Variants in ITFG1 observed in about 807,000 individuals in gnomAD.
The protein encoded by ITFG1 is integrin alpha FG-GAP repeat containing 1, also known as T-cell immunomodulatory protein.
ITFG1 carries 34 observed loss-of-function variants against 81.8 expected under a neutral mutation model. The ratio of observed to expected loss-of-function variants is 0.42; its 90% CI spans 0.32 to 0.55. The LOEUF (loss-of-function observed/expected upper bound fraction) is 0.55, where lower values mean the gene tolerates loss of function less well. Among genes scored for constraint, ITFG1 ranks in the 20% least tolerant of loss-of-function variants. The pLI is 0.17. For missense variants in ITFG1, 672 were observed against 755.4 expected (o/e 0.89, Z 1.29); for synonymous variants, 285 against 270.6 (o/e 1.05, Z -0.52).
Position 47,371,945 on chromosome 16 carries a change from G to A in ITFG1, c.720+3931C>T, listed in dbSNP as rs142445955. Reference sequence around the variant, plus strand: ...TTTTTTTTTCCTGAGACAGAGTCTCGCTCTTTCACCCAGGCTGGAGTACAG... The same window carrying A: ...TTTTTTTTTCCTGAGACAGAGTCTCACTCTTTCACCCAGGCTGGAGTACAG... On this transcript the variant is annotated intron_variant, in intron 7 of 17. Transcript: ENST00000320640. 6.9e-3 allele frequency among the ~76,000 whole-genome samples: 1,010 copies of A among 147,356 alleles called. 13 individuals carry two copies. Among genetic ancestry groups the A allele is most frequent in the African/African-American group, 0.024 (940 of 39,772 alleles).
At chr16:47,160,694 T>C (rs185348257) in intron 16 of ITFG1, among the ~76,000 whole-genome samples, 10 of 152,270 alleles carry the variant, frequency 6.6e-5, no homozygotes, top group African/African-American at 2.2e-4. Flanking sequence ...CTGAAGCCCA[T>C]TAATTTACCA....
chr16:47,286,366 G>A lies in ITFG1; in HGVS notation c.1070+24874C>T, dbSNP rs561975071. 5.3e-5 allele frequency among the ~76,000 whole-genome samples: 8 copies of A among 152,066 alleles called. No individual in the cohort carries two copies. In the South Asian group the frequency reaches 1.2e-3, roughly 24 times the overall value. On this transcript the variant is annotated intron_variant, in intron 10 of 17. Coordinates refer to ENST00000320640, the MANE Select transcript of ITFG1 (RefSeq NM_030790.5). ...TAAAGATAATTGCCAGAGGCTGGGCGCGGTGGCTCACACCTGTAATCCCAA... is the reference window on the plus strand; with the variant it reads ...TAAAGATAATTGCCAGAGGCTGGGCACGGTGGCTCACACCTGTAATCCCAA...
intron 14 of ITFG1, among the ~76,000 whole-genome samples, chr16:47,165,340 G>A (rs1339277170): frequency 6.6e-6 from 1 of 152,202 alleles, no homozygotes; most frequent in African/African-American, 2.4e-5. Flanking sequence ...GTTGGAAACA[G>A]TAAGGTATAA....
intron 8 of ITFG1, among the ~76,000 whole-genome samples, chr16:47,316,758 T>C (rs1193136522): frequency 2.0e-5 from 3 of 152,344 alleles, no homozygotes; most frequent in African/African-American, 4.8e-5. Context: ...TATATTATTA[T>C]GCCTGGGGAA....
At chr16:47,343,724 G>A (rs1967814885) in intron 8 of ITFG1, among the ~76,000 whole-genome samples, 1 of 152,102 alleles carries the variant, frequency 6.6e-6, no homozygotes, top group Non-Finnish European at 1.5e-5. Context: ...ATGATGTGGA[G>A]AAACTGGAAC....
chr16:47,271,985 A>T (rs1418912908), intron 10 of ITFG1, among the ~76,000 whole-genome samples: 1 of 152,260 alleles, frequency 6.6e-6, no homozygotes, highest in African/African-American at 2.4e-5. Flanking sequence ...AGCAGTATTC[A>T]TAATAGCCAA....
Position 47,403,359 on chromosome 16 carries a change from A to G in ITFG1, c.655+25445T>C, listed in dbSNP as rs117338835. Among the ~76,000 whole-genome samples, 412 of 152,104 alleles carry G rather than the reference A, an allele frequency of 2.7e-3. 3 individuals are homozygous for G. The East Asian group carries it at 0.029, about 11-fold the overall frequency. On this transcript the variant is annotated intron_variant, in intron 6 of 17. Coordinates refer to ENST00000320640, the MANE Select transcript of ITFG1 (RefSeq NM_030790.5). Reference sequence around the variant, plus strand: ...TATTATAATTGGCCCATATGGGCCAATTCTATAATACAAGTGTCCTGGACT... The same window carrying G: ...TATTATAATTGGCCCATATGGGCCAGTTCTATAATACAAGTGTCCTGGACT...
chr16:47,212,839 A>G (rs1300500191), intron 14 of ITFG1, among the ~76,000 whole-genome samples: 1 of 152,012 alleles, frequency 6.6e-6, no homozygotes, highest in Non-Finnish European at 1.5e-5. Flanking sequence ...CAGTCCTGGT[A>G]CAGATTTGTC....
At chr16:47,298,376 C>G (rs1242577744) in intron 10 of ITFG1, among the ~76,000 whole-genome samples, 2 of 151,984 alleles carry the variant, frequency 1.3e-5, no homozygotes, top group African/African-American at 4.8e-5. Flanking sequence ...ATGCCATAAC[C>G]CTTTGCTATT....
At chr16:47,261,068 G>C (rs1966204645) in intron 10 of ITFG1, among the ~76,000 whole-genome samples, 1 of 152,256 alleles carries the variant, frequency 6.6e-6, no homozygotes, top group Non-Finnish European at 1.5e-5. Flanking sequence ...TAACTAGAAT[G>C]TCTCATAAAC....
intron 8 of ITFG1, among the ~76,000 whole-genome samples, chr16:47,322,082 T>C (rs1177309069): frequency 1.3e-5 from 2 of 152,182 alleles, no homozygotes; most frequent in Non-Finnish European, 2.9e-5. Flanking sequence ...ATTTTAAAGT[T>C]CTGCACATAT....
rs564608328 is a variant in ITFG1 at position 47,377,989 on chromosome 16, C to T, written c.656-2049G>A. 3.3e-5 allele frequency among the ~76,000 whole-genome samples: 5 copies of T among 152,220 alleles called. No individual in the cohort carries two copies. The South Asian group carries it at 6.2e-4, about 19-fold the overall frequency. The stretch of plus-strand genomic sequence containing the variant: ...AAAGTCTTGGGGAAAGAAGGGTCTA[C>T]GTTAAAGTGTTTCATTAAAAATAAT... On this transcript the variant is annotated intron_variant, in intron 6 of 17. Transcript: ENST00000320640.
chr16:47,375,940 T>C lies in ITFG1; in HGVS notation c.656A>G (p.Asp219Gly). The change falls in exon 7 of 18, where the codon GAT becomes GGT. Residue 219 changes from aspartate (D) to glycine (G), a missense_variant and splice_region_variant. By Grantham distance (94) the Asp-to-Gly change is moderately conservative. Transcript: ENST00000320640. The part of the protein sequence containing the change: ...FIDLTEDFTA[D>G]LFLTTLNATT... ...GGCATTCAATGTCGTCAGGAATAAATCTAGAAGGAAAAATAATAAAAACGT... is the reference window on the plus strand; with the variant it reads ...GGCATTCAATGTCGTCAGGAATAAACCTAGAAGGAAAAATAATAAAAACGT... 1 of 1,593,790 alleles carries C rather than the reference T, an allele frequency of 6.3e-7. No individual in the cohort carries two copies. Among genetic ancestry groups the C allele is most frequent in the Non-Finnish European group, 8.6e-7 (1 of 1,163,976 alleles).
At chr16:47,369,044 C>T (rs934397438) in intron 7 of ITFG1, among the ~76,000 whole-genome samples, 1 of 152,146 alleles carries the variant, frequency 6.6e-6, no homozygotes, top group African/African-American at 2.4e-5. Flanking sequence ...ACATATATAA[C>T]TTCATTTCCA....
intron 3 of ITFG1, among the ~76,000 whole-genome samples, chr16:47,453,378 C>T (rs1283922763): frequency 1.3e-5 from 2 of 152,176 alleles, no homozygotes; most frequent in Non-Finnish European, 2.9e-5. Flanking sequence ...ACTCTCGAAC[C>T]ATACTTCAAC....
At chr16:47,385,078 T>C (rs546788808) in intron 6 of ITFG1, among the ~76,000 whole-genome samples, 8 of 152,216 alleles carry the variant, frequency 5.3e-5, no homozygotes, top group Non-Finnish European at 1.2e-4. Flanking sequence ...GGAAGTGACA[T>C]TTGCACTGGT....
At position 47,188,326 on chromosome 16, in the gene ITFG1, C is replaced by T. The variant is rs546675346; in HGVS notation, c.1454-25662G>A. On this transcript the variant is annotated intron_variant, in intron 14 of 17. Coordinates refer to ENST00000320640, the MANE Select transcript of ITFG1 (RefSeq NM_030790.5). ...GACACATGTGCACGTATGTTTATTGCGGCATTATTCACTATAGCAAAGACT... is the reference window on the plus strand; with the variant it reads ...GACACATGTGCACGTATGTTTATTGTGGCATTATTCACTATAGCAAAGACT... Among the ~76,000 whole-genome samples, 422 of 152,032 alleles carry T rather than the reference C, an allele frequency of 2.8e-3. 3 individuals are homozygous for T. The highest frequency in any genetic ancestry group is 4.9e-3 in the Non-Finnish European group (330 of 67,970).
At chr16:47,350,800 A>T (rs575202087) in intron 8 of ITFG1, among the ~76,000 whole-genome samples, 1 of 152,324 alleles carries the variant, frequency 6.6e-6, no homozygotes, top group African/African-American at 2.4e-5. Flanking sequence ...ATGAGCATCG[A>T]TGCAAAAATC....
intron 13 of ITFG1, among the ~76,000 whole-genome samples, chr16:47,229,619 C>G (rs1469605444): frequency 6.7e-6 from 1 of 149,616 alleles, no homozygotes; most frequent in Non-Finnish European, 1.5e-5. Context: ...AAAAAAAAGT[C>G]CTGAAATAAA....
Sources: gnomAD v4.1 joint callset for allele counts (sites outside exome capture counted in the v4.1 genomes callset) on GRCh38, gnomAD v4.1.1 for gene constraint, MANE v1.5 for transcripts, NCBI Gene and HGNC (gene_info 2026-07-23, HGNC 2026-07-21) for gene names.